The following APOB variants were observed in gnomAD, a reference collection of about 807,000 sequenced individuals.
The protein encoded by APOB is apolipoprotein B.
In APOB, 153 loss-of-function variants were observed where a neutral mutation model predicts 314.1. The observed-to-expected ratio is 0.49, with a 90% CI of 0.43 to 0.56. The LOEUF is 0.56. Ranked by LOEUF, APOB falls within the 20% of genes least tolerant of loss-of-function variation. The pLI is 0.00. For missense variants in APOB, 5,430 were observed against 5,350.7 expected (o/e 1.01, Z -0.46); for synonymous variants, 2,087 against 2,036.4 (o/e 1.02, Z -0.67).
intron 5 of APOB, 128 bp downstream of exon 5, chr2:21,037,830 A>G (rs891589185): frequency 1.7e-5 from 21 of 1,237,640 alleles, no homozygotes; most frequent in South Asian, 1.6e-4. Context: ...TTTCACGCCA[A>G]TCCAGGGCTT....
At chr2:21,018,133 C>A (rs932766678) in intron 20 of APOB, among the ~76,000 whole-genome samples, 4 of 152,152 alleles carry the variant, frequency 2.6e-5, no homozygotes, top group Admixed American at 6.5e-5. Flanking sequence ...ACTGTATCAG[C>A]AAATCTTGTC....
Position 21,006,515 on chromosome 2 carries a change from T to G in APOB, c.10353A>C (p.Lys3451Asn). ...ATTCCATGGAGGAAGAGACAGTAGGTTTTGACTTGGTATTTCCATTAAGTT... is the reference window on the plus strand; with the variant it reads ...ATTCCATGGAGGAAGAGACAGTAGGGTTTGACTTGGTATTTCCATTAAGTT... Reference protein sequence around the residue: ...KQELNGNTKSKPTVSSSMEFK... With the variant: ...KQELNGNTKSNPTVSSSMEFK... The change falls in exon 26 of 29, where the codon AAA becomes AAC. Residue 3451 changes from lysine (K) to asparagine (N), a missense_variant. Physicochemically the swap from Lys to Asn is moderately conservative, Grantham distance 94. This residue lies in a region of APOB where 3,281 missense variants were observed against 3,171.0 expected (regional missense o/e 1.03). Coordinates refer to ENST00000233242, the MANE Select transcript of APOB (RefSeq NM_000384.3). 1 of 1,614,038 alleles carries G rather than the reference T, an allele frequency of 6.2e-7. No homozygotes were observed. The highest frequency in any genetic ancestry group is 8.5e-7 in the Non-Finnish European group (1 of 1,179,960).
chr2:21,005,279 C>T lies in APOB; in HGVS notation c.11589G>A (p.Glu3863=), dbSNP rs553934960. ...PTIIVPEQTI[E]IPSIKFSVPA... ...GTACAGAGAACTTAATGGAGGGAAT[C>T]TCAATGGTCTGCTCAGGCACGATGA... is the stretch of plus-strand genomic sequence containing the variant. The change falls in exon 26 of 29, where the codon GAG becomes GAA. Residue 3863 remains glutamate, a synonymous_variant. Coordinates refer to ENST00000233242, the MANE Select transcript of APOB (RefSeq NM_000384.3). The T allele has an allele frequency of 3.7e-6, 6 of 1,614,046 alleles. No homozygotes were observed. The highest frequency in any genetic ancestry group is 4.2e-6 in the Non-Finnish European group (5 of 1,179,948).
Position 21,019,731 on chromosome 2 carries a change from C to T in APOB, c.2991G>A (p.Gly997=), listed in dbSNP as rs868815351. 1 of 1,614,020 alleles carries T rather than the reference C, an allele frequency of 6.2e-7. No homozygotes were observed. The highest frequency in any genetic ancestry group is 8.5e-7 in the Non-Finnish European group (1 of 1,179,990). The change falls in exon 19 of 29, where the codon GGG becomes GGA. Residue 997 remains glycine (G), a synonymous_variant. Transcript: ENST00000233242. ...CACTGAGCATCTCTAACCTGGTGTCCCCGGTCAGCGGATAGTAGGAGGCGG... is the reference window on the plus strand; with the variant it reads ...CACTGAGCATCTCTAACCTGGTGTCTCCGGTCAGCGGATAGTAGGAGGCGG... The part of the protein sequence containing the change: ...TDSASYYPLT[G]DTRLELELRP...
At chr2:21,019,617 CT>C (rs1434047991) in intron 19 of APOB, 105 bp downstream of exon 19, 4 of 1,216,082 alleles carry the variant, frequency 3.3e-6, no homozygotes. Flanking sequence ...ACCCAGAAGG[CT>C]AGTGACAGGG....
chr2:21,021,475 C>A (rs540058934), intron 18 of APOB, among the ~76,000 whole-genome samples: 22 of 152,280 alleles, frequency 1.4e-4, no homozygotes, highest in African/African-American at 4.6e-4. Flanking sequence ...TAAAACATCA[C>A]CCCTATCTTA....
In APOB at chr2:21,012,450, G is replaced by A; in HGVS notation, c.4418C>T (p.Ser1473Phe). 2 of 1,614,092 alleles carry A rather than the reference G, an allele frequency of 1.2e-6. No individual in the cohort carries two copies. The highest frequency in any genetic ancestry group is 1.7e-6 in the Non-Finnish European group (2 of 1,180,006). The change falls in exon 26 of 29, where the codon TCC becomes TTC. Residue 1473 changes from serine to phenylalanine, a missense_variant. Coordinates refer to ENST00000233242, the MANE Select transcript of APOB (RefSeq NM_000384.3). ...GACAAACAAATGCTGTTTCTTTTTGGAGTCCAAATGAACTGAAGCAGACAT... is the reference window on the plus strand; with the variant it reads ...GACAAACAAATGCTGTTTCTTTTTGAAGTCCAAATGAACTGAAGCAGACAT... ...PQMSASVHLD[S>F]KKKQHLFVKE...
chr2:21,008,739 T>C lies in APOB; in HGVS notation c.8129A>G (p.Asp2710Gly), dbSNP rs771882254. ...DIPLARITLP[D>G]FRLPEIAIPE... ...AATTGCGATTTCTGGTAAACGGAAG[T>C]CTGGCAGGGTGATTCTCGCTAGAGG... Residue 2710 changes from aspartate (D) to glycine (G), a missense_variant, in exon 26 of 29, where the codon GAC becomes GGC. This residue lies in a region of APOB where 3,281 missense variants were observed against 3,171.0 expected (regional missense o/e 1.03). Coordinates refer to ENST00000233242, the MANE Select transcript of APOB (RefSeq NM_000384.3). 66 of 1,613,948 alleles carry C rather than the reference T, an allele frequency of 4.1e-5. No individual in the cohort carries two copies. Among genetic ancestry groups the C allele is most frequent in the Non-Finnish European group, 5.4e-5 (64 of 1,179,978 alleles).
At chr2:21,030,108 A>G in intron 10 of APOB, 93 bp from the exon 11 acceptor site, 2 of 813,056 alleles carry the variant, frequency 2.5e-6, no homozygotes, top group Non-Finnish European at 4.2e-6. Context: ...TAATTATAAA[A>G]TTCATATGGA....
chr2:21,034,696 C>T, intron 8 of APOB, 120 bp downstream of exon 8: 1 of 763,266 alleles, frequency 1.3e-6, no homozygotes, highest in Non-Finnish European at 2.5e-6. Flanking sequence ...GTAGCCAGAA[C>T]ACCAGTGTCT....
Position 21,027,942 on chromosome 2 carries a change from G to A in APOB, c.1953C>T (p.Ala651=), listed in dbSNP as rs1007149732. 11 of 1,613,972 alleles carry A rather than the reference G, an allele frequency of 6.8e-6. No homozygotes were observed. The Admixed American group carries it at 1.2e-4, about 17-fold the overall frequency. The change falls in exon 14 of 29, where the codon GCC becomes GCT. Residue 651 remains alanine, a synonymous_variant. Transcript: ENST00000233242. ...TAAGATTCCCTTCTATTTTGGCTGA[G>A]GCTGGGTCAAGTGATGGAAGAGAAA... ...KSVSLPSLDP[A]SAKIEGNLIF...
intron 21 of APOB, 92 bp downstream of exon 21, chr2:21,016,347 C>T (rs576692765): frequency 9.3e-6 from 7 of 749,190 alleles, no homozygotes; most frequent in South Asian, 7.3e-5. Context: ...TAGGGGAGAA[C>T]ATGGCTTGGT....
intron 17 of APOB, among the ~76,000 whole-genome samples, chr2:21,023,291 A>G (rs1385334419): frequency 1.3e-5 from 2 of 152,120 alleles, no homozygotes; most frequent in African/African-American, 4.8e-5. Context: ...TGATAGGAAT[A>G]CTCATTTGTT....
rs946301032 is a variant in APOB at position 21,032,523 on chromosome 2, G to A, written c.1183C>T (p.Leu395Phe). 4.3e-6 allele frequency: 7 copies of A among 1,614,090 alleles called. No homozygotes were observed. Among genetic ancestry groups the A allele is most frequent in the Middle Eastern group, 1.6e-4 (1 of 6,084 alleles). The change falls in exon 10 of 29, where the codon CTC becomes TTC. Residue 395 changes from leucine (L) to phenylalanine (F), a missense_variant. Around this residue, in one of 3 missense-constraint regions of APOB, gnomAD observed 2,085 missense variants for 2,079.7 expected, o/e 1.00. Coordinates refer to ENST00000233242, the MANE Select transcript of APOB (RefSeq NM_000384.3). ...GCATGCACACGTTTCAGCCACTGGA[G>A]GATGTGAGTGGAGCACTGAGGCTGT... ...CGQPQCSTHI[L>F]QWLKRVHANP...
chr2:21,015,386 C>G lies in APOB; in HGVS notation c.3492G>C (p.Arg1164Ser). The change falls in exon 22 of 29, where the codon AGG (arginine) becomes AGC (serine). Residue 1164 changes from arginine to serine, a missense_variant. Transcript: ENST00000233242. ...GACACATACCATAATGCCATGCCAC[C>G]CTCTTGGAAACTGTGGAGCCATAAG... ...ATAYGSTVSK[R>S]VAWHYDEEKI... 6.2e-7 allele frequency: 1 copy of G among 1,614,172 alleles called. No homozygotes were observed. The highest frequency in any genetic ancestry group is 1.3e-5 in the African/African-American group (1 of 75,036).
rs1417336325 is a variant in APOB, at chr2:21,011,556, T to A, written c.5312A>T (p.Asp1771Val). Reference protein sequence around the residue: ...GLSLDFSSKLDNIYSSDKFYK... With the variant: ...GLSLDFSSKLVNIYSSDKFYK... The stretch of plus-strand genomic sequence containing the variant: ...AAACTTGTCAGAGCTGTAAATGTTG[T>A]CAAGTTTTGAAGAGAAGTCCAGTGA... Residue 1771 changes from aspartate (D) to valine (V), a missense_variant, in exon 26 of 29, where the codon GAC becomes GTC. Asp to Val is a radical substitution (Grantham distance 152, BLOSUM62 -3). Transcript: ENST00000233242. The A allele has an allele frequency of 1.9e-6, 3 of 1,614,182 alleles. No individual in the cohort carries two copies. Among genetic ancestry groups the A allele is most frequent in the Non-Finnish European group, 2.5e-6 (3 of 1,180,002 alleles).
At chr2:21,033,171 C>T in intron 9 of APOB, 128 bp downstream of exon 9, 2 of 743,070 alleles carry the variant, frequency 2.7e-6, no homozygotes, top group South Asian at 3.1e-5. Flanking sequence ...CAATCATGAA[C>T]TGATTGACTA....
At chr2:21,017,998 T>A (rs1663518548) in intron 20 of APOB, among the ~76,000 whole-genome samples, 1 of 152,084 alleles carries the variant, frequency 6.6e-6, no homozygotes, top group African/African-American at 2.4e-5. Flanking sequence ...TTTCTCCCAT[T>A]CCCTAAAACC....
Position 21,002,461 on chromosome 2 carries a change from T to C in APOB, c.12961A>G (p.Lys4321Glu). Residue 4321 changes from lysine to glutamate, a missense_variant, in exon 29 of 29, where the codon AAA becomes GAA. By Grantham distance (56) the Lys-to-Glu change is moderately conservative (BLOSUM62 1). This residue lies in a region of APOB where 3,281 missense variants were observed against 3,171.0 expected (regional missense o/e 1.03). Transcript: ENST00000233242. ...EDNIKQLKEM[K>E]FTYLINYIQD... ...ATATAATTAATAAGATAAGTAAATTTCATCTCTTTCAGCTGTTTAATGTTA... is the reference window on the plus strand; with the variant it reads ...ATATAATTAATAAGATAAGTAAATTCCATCTCTTTCAGCTGTTTAATGTTA... The C allele has an allele frequency of 6.2e-7, 1 of 1,606,830 alleles. No homozygotes were observed. The highest frequency in any genetic ancestry group is 8.5e-7 in the Non-Finnish European group (1 of 1,175,120).
Sources: gnomAD v4.1 joint callset for allele counts (sites outside exome capture counted in the v4.1 genomes callset) on GRCh38, gnomAD v4.1.1 for gene constraint, gnomAD v4.1.1 regional missense constraint, MANE v1.5 for transcripts, NCBI Gene and HGNC (gene_info 2026-07-23, HGNC 2026-07-21) for gene names.